Variants in IGSF9 observed in about 807,000 individuals in gnomAD.
IGSF9 encodes immunoglobulin superfamily member 9.
A neutral mutation model predicts 121.7 loss-of-function variants in IGSF9; 87 were observed. The observed-to-expected ratio is 0.71, with a 90% CI of 0.60 to 0.85. IGSF9 has a LOEUF of 0.85. Among genes scored for constraint, IGSF9 ranks in the 40% least tolerant of loss-of-function variants. The pLI, the probability that IGSF9 is intolerant of heterozygous loss-of-function variation, is 0.00. For missense variants in IGSF9, 1,462 were observed against 1,565.3 expected (o/e 0.93, Z 1.11); for synonymous variants, 640 against 648.4 (o/e 0.99, Z 0.20).
In IGSF9 at chr1:159,928,624, G is replaced by C; in HGVS notation, c.2764C>G (p.Pro922Ala). The part of the protein sequence containing the change: ...APPSPLPGPG[P>A]LLQYLSLPFF... ...GGCAGGCTCAGGTACTGGAGCAGGG[G>C]TCCAGGACCTGGCAAGGGACTGGGT... Residue 922 changes from proline (P) to alanine (A), a missense_variant, in exon 19 of 21, where the codon CCC (proline) becomes GCC (alanine). Transcript: ENST00000368094. 1.3e-6 allele frequency: 2 copies of C among 1,490,862 alleles called. No individual in the cohort carries two copies. The highest frequency in any genetic ancestry group is 8.9e-7 in the Non-Finnish European group (1 of 1,119,068). 92.4% of individuals were successfully genotyped at this position (1,490,862 alleles called of 1,614,324 possible).
intron 9 of IGSF9, 166 bp downstream of exon 9, chr1:159,934,024 G>A (rs544549538): frequency 1.2e-6 from 1 of 805,710 alleles, no homozygotes; most frequent in Non-Finnish European, 1.9e-6. Flanking sequence ...TTCCTCAGGG[G>A]TTTTAAGTAG....
intron 3 of IGSF9, among the ~76,000 whole-genome samples, chr1:159,941,403 A>G (rs1651374780): frequency 6.6e-6 from 1 of 152,118 alleles, no homozygotes; most frequent in African/African-American, 2.4e-5. Flanking sequence ...TCAGGTCCCA[A>G]CTCCCTCAGC....
intron 3 of IGSF9, among the ~76,000 whole-genome samples, chr1:159,939,040 C>G (rs536630988): frequency 6.6e-6 from 1 of 152,276 alleles, no homozygotes; most frequent in South Asian, 2.1e-4. Flanking sequence ...CCCATATCTA[C>G]TTGCTCATTA....
chr1:159,936,671 CCT>C, intron 5 of IGSF9, 81 bp downstream of exon 5: 2 of 1,566,312 alleles, frequency 1.3e-6, no homozygotes, highest in East Asian at 2.3e-5. Flanking sequence ...GCCTTTGCCT[CCT>C]CTGTCCTCTG....
At position 159,928,906 on chromosome 1, in the gene IGSF9, T is replaced by C; in HGVS notation, c.2482A>G (p.Ser828Gly). The C allele has an allele frequency of 6.3e-7, 1 of 1,591,996 alleles. No homozygotes were observed. The highest frequency in any genetic ancestry group is 1.3e-5 in the African/African-American group (1 of 74,094). The change falls in exon 19 of 21, where the codon AGC becomes GGC. Residue 828 changes from serine (S) to glycine (G), a missense_variant. Physicochemically the swap from Ser to Gly is moderately conservative, Grantham distance 56 (BLOSUM62 0). Around this residue, in one of 3 missense-constraint regions of IGSF9, gnomAD observed 808 missense variants for 815.2 expected, o/e 0.99. Coordinates refer to ENST00000368094, the MANE Select transcript of IGSF9 (RefSeq NM_001135050.2). ...LLWGDPAGTP[S>G]PHPDPPSSRG... ...CTAGATGGAGGATCCGGGTGGGGGC[T>C]GGGAGTTCCGGCAGGATCCCCCCAG...
chr1:159,930,097 C>G, intron 15 of IGSF9, 92 bp downstream of exon 15: 3 of 1,549,036 alleles, frequency 1.9e-6, no homozygotes, highest in Non-Finnish European at 2.6e-6. Flanking sequence ...GTGAAGAGCT[C>G]AAATCAAGAT....
chr1:159,929,979 C>T lies in IGSF9; in HGVS notation c.2065-4G>A. 2 of 1,591,242 alleles carry T rather than the reference C, an allele frequency of 1.3e-6. No individual in the cohort carries two copies. Among genetic ancestry groups the T allele is most frequent in the Non-Finnish European group, 1.7e-6 (2 of 1,170,062 alleles). ...GGCGGAACTCGTAGAGAACATCCTG[C>T]GATGGGGATGGGGTACCAGGAGGGA... On this transcript the variant is annotated splice_polypyrimidine_tract_variant and splice_region_variant and intron_variant, in intron 15 of 20. Coordinates refer to ENST00000368094, the MANE Select transcript of IGSF9 (RefSeq NM_001135050.2).
At chr1:159,937,029 AG>A in intron 4 of IGSF9, 121 bp from the exon 5 acceptor site, 1 of 964,006 alleles carries the variant, frequency 1.0e-6, no homozygotes, top group African/African-American at 1.6e-5. Context: ...CCTGCCTCAT[AG>A]GAGTCCTCAG....
intron 3 of IGSF9, among the ~76,000 whole-genome samples, chr1:159,938,910 C>T (rs1651285982): frequency 6.6e-6 from 1 of 152,142 alleles, no homozygotes; most frequent in African/African-American, 2.4e-5. Context: ...GAAAGCTGCA[C>T]TCAAGTCCTG....
At chr1:159,935,714 C>T (rs1488338540) in intron 6 of IGSF9, among the ~76,000 whole-genome samples, 2 of 152,332 alleles carry the variant, frequency 1.3e-5, no homozygotes, top group East Asian at 1.9e-4. Context: ...TCACCAAAAG[C>T]TTTGTGGTGG....
chr1:159,929,596 G>C (rs1312392882), intron 17 of IGSF9, 42 bp downstream of exon 17: 1 of 1,568,380 alleles, frequency 6.4e-7, no homozygotes, highest in Non-Finnish European at 8.6e-7. Context: ...AGGAGGCTAG[G>C]CCCAAGTGCG....
rs1651024594 is a variant in IGSF9, at chr1:159,932,231, C to G, written c.1245+281G>C. 1 of 574,722 alleles carries G rather than the reference C, an allele frequency of 1.7e-6. No homozygotes were observed. Among genetic ancestry groups the G allele is most frequent in the Non-Finnish European group, 3.1e-6 (1 of 323,894 alleles). The allele number at this position is 574,722 out of a possible 1,614,324, so 35.6% of individuals were successfully genotyped here. ...GCAGAACATTCTTCCTCCCAGAGCCCCAGAGAGGGAGGCAGCACGGTCAAG... is the reference window on the plus strand; with the variant it reads ...GCAGAACATTCTTCCTCCCAGAGCCGCAGAGAGGGAGGCAGCACGGTCAAG... On this transcript the variant is annotated intron_variant, in intron 10 of 20. Coordinates refer to ENST00000368094, the MANE Select transcript of IGSF9 (RefSeq NM_001135050.2). This position sits in a 1 kb window ranked among gnomAD's most constrained non-coding sequence, Gnocchi z 4.1.
In IGSF9 at chr1:159,929,606, G is replaced by A. The variant is rs114566947; in HGVS notation, c.2326+32C>T. On this transcript the variant is annotated intron_variant, in intron 17 of 20. Transcript: ENST00000368094. ...GCTTAAGGAGGCTAGGCCCAAGTGC[G>A]CAGTAGCAGGGCTGAGGGTGGAGGG... 6.6e-4 allele frequency: 1,041 copies of A among 1,578,028 alleles called. 4 individuals are homozygous for A. The African/African-American group carries it at 0.012, about 19-fold the overall frequency.
chr1:159,934,358 G>A (rs763571886), intron 8 of IGSF9, 26 bp from the exon 9 acceptor site: 3 of 1,573,578 alleles, frequency 1.9e-6, no homozygotes, highest in East Asian at 2.3e-5. Flanking sequence ...GGCAAGTTGG[G>A]GGAGAGGGGC....
At position 159,937,675 on chromosome 1, in the gene IGSF9, C is replaced by T; in HGVS notation, c.400+11G>A. 6.2e-7 allele frequency: 1 copy of T among 1,609,334 alleles called. No individual in the cohort carries two copies. The highest frequency in any genetic ancestry group is 8.5e-7 in the Non-Finnish European group (1 of 1,175,960). On this transcript the variant is annotated intron_variant, in intron 4 of 20. Transcript: ENST00000368094. ...CCGTCCTTCTCCACCACCTGCCCCCCAGCTTCATACAATTGACTGTCAGAT... is the reference window on the plus strand; with the variant it reads ...CCGTCCTTCTCCACCACCTGCCCCCTAGCTTCATACAATTGACTGTCAGAT...
At position 159,928,640 on chromosome 1, in the gene IGSF9, G is replaced by A. The variant is rs775897333; in HGVS notation, c.2748C>T (p.Pro916=). 2 of 1,482,220 alleles carry A rather than the reference G, an allele frequency of 1.3e-6. No homozygotes were observed. Among genetic ancestry groups the A allele is most frequent in the African/African-American group, 2.8e-5 (2 of 71,210 alleles). 91.8% of individuals were successfully genotyped at this position (1,482,220 alleles called of 1,614,324 possible). A position where few individuals can be genotyped will look rare whatever the true frequency, so the allele number is the denominator to read the frequency against. Residue 916 remains proline (P), a synonymous_variant, in exon 19 of 21, where the codon CCC becomes CCT. Transcript: ENST00000368094. ...GGAGCAGGGGTCCAGGACCTGGCAAGGGACTGGGTGGGGCTGCTGGAGGGG... is the reference window on the plus strand; with the variant it reads ...GGAGCAGGGGTCCAGGACCTGGCAAAGGACTGGGTGGGGCTGCTGGAGGGG... ...VAPPPAAPPS[P]LPGPGPLLQY...
chr1:159,928,626 C>T lies in IGSF9; in HGVS notation c.2762G>A (p.Gly921Glu), dbSNP rs949883242. Residue 921 changes from glycine (G) to glutamate (E), a missense_variant, in exon 19 of 21, where the codon GGA becomes GAA. Physicochemically the swap from Gly to Glu is moderately conservative, Grantham distance 98. Transcript: ENST00000368094. ...CAGGCTCAGGTACTGGAGCAGGGGT[C>T]CAGGACCTGGCAAGGGACTGGGTGG... is the stretch of plus-strand genomic sequence containing the variant. ...AAPPSPLPGPGPLLQYLSLPF... is the reference protein window; with the variant it reads ...AAPPSPLPGPEPLLQYLSLPF... 3.1e-5 allele frequency: 46 copies of T among 1,488,996 alleles called. No individual in the cohort carries two copies. Among genetic ancestry groups the T allele is most frequent in the Non-Finnish European group, 3.8e-5 (43 of 1,118,152 alleles). The allele number at this position is 1,488,996 out of a possible 1,614,324, so 92.2% of individuals were successfully genotyped here.
rs1363685361 is a variant in IGSF9 at position 159,928,766 on chromosome 1, C to G, written c.2622G>C (p.Arg874=). The G allele has an allele frequency of 6.8e-7, 1 of 1,475,932 alleles. No individual in the cohort carries two copies. Among genetic ancestry groups the G allele is most frequent in the East Asian group, 2.5e-5 (1 of 40,358 alleles). 91.4% of individuals were successfully genotyped at this position (1,475,932 alleles called of 1,614,324 possible). A position where few individuals can be genotyped will look rare whatever the true frequency, so the allele number is the denominator to read the frequency against. The part of the protein sequence containing the change: ...ERSGREQAEP[R]TPAQRLARSF... The stretch of plus-strand genomic sequence containing the variant: ...ACCGGGCCAGACGCTGGGCTGGAGT[C>G]CGAGGTTCTGCCTGCTCCCGGCCTG... The change falls in exon 19 of 21, where the codon CGG becomes CGC. Residue 874 remains arginine, a synonymous_variant. Coordinates refer to ENST00000368094, the MANE Select transcript of IGSF9 (RefSeq NM_001135050.2).
At position 159,931,772 on chromosome 1, in the gene IGSF9, G is replaced by A; in HGVS notation, c.1362+40C>T. On this transcript the variant is annotated intron_variant, in intron 11 of 20. Coordinates refer to ENST00000368094, the MANE Select transcript of IGSF9 (RefSeq NM_001135050.2). The surrounding 1 kb of genome is among the most constrained non-coding windows in gnomAD (Gnocchi z 4.8). ...CTGGGGCACGAGAGGCAGGGGTGTA[G>A]TGGGCGTGGGTACAGGCAGAGCGGG... The A allele has an allele frequency of 2.7e-6, 4 of 1,474,428 alleles. No homozygotes were observed. The highest frequency in any genetic ancestry group is 1.3e-5 in the South Asian group (1 of 79,510). 91.3% of individuals were successfully genotyped at this position (1,474,428 alleles called of 1,614,324 possible). A position where few individuals can be genotyped will look rare whatever the true frequency, so the allele number is the denominator to read the frequency against.
Sources: allele counts gnomAD v4.1 joint callset (sites outside exome capture counted in the v4.1 genomes callset), GRCh38; gene constraint gnomAD v4.1.1; regional missense constraint gnomAD v4.1.1; non-coding constraint Gnocchi (gnomAD v3.1); transcripts MANE v1.5; gene names NCBI Gene and HGNC (gene_info 2026-07-23, HGNC 2026-07-21).